AGMO: variants seen among roughly 807,000 people sequenced by gnomAD.
The protein encoded by AGMO is glyceryl-ether monooxygenase.
A neutral mutation model predicts 60.2 loss-of-function variants in AGMO; 75 were observed. That is an observed-to-expected ratio of 1.25 (90% CI 1.03 to 1.51). The LOEUF (loss-of-function observed/expected upper bound fraction) is 1.51. Ranked by LOEUF, AGMO falls within the 40% of genes most tolerant of loss-of-function variation. The pLI is 0.00. For missense variants in AGMO, 763 were observed against 525.5 expected, an observed-to-expected ratio of 1.45 and a Z score of -4.42; for synonymous variants, 261 against 177.1, an observed-to-expected ratio of 1.47 and a Z score of -3.76.
intron 12 of AGMO, among the ~76,000 whole-genome samples, chr7:15,242,723 A>G (rs1006783329): frequency 6.6e-6 from 1 of 152,162 alleles, no homozygotes; most frequent in African/African-American, 2.4e-5. Context: ...CACTTTCCCC[A>G]CTGCTGAGTA....
intron 12 of AGMO, among the ~76,000 whole-genome samples, chr7:15,289,770 G>A (rs1276979115): frequency 2.0e-5 from 3 of 151,868 alleles, no homozygotes; most frequent in Non-Finnish European, 4.4e-5. Context: ...TAACTGATCT[G>A]TTAAAACAGA....
At chr7:15,293,703 G>C (rs572511076) in intron 12 of AGMO, among the ~76,000 whole-genome samples, 2 of 152,040 alleles carry the variant, frequency 1.3e-5, no homozygotes, top group Non-Finnish European at 2.9e-5. Flanking sequence ...TGTAAACTAC[G>C]CCTAATTCTT....
chr7:15,332,422 A>T (rs547999766), intron 12 of AGMO, among the ~76,000 whole-genome samples: 1 of 152,180 alleles, frequency 6.6e-6, no homozygotes, highest in Non-Finnish European at 1.5e-5. Context: ...TGAAGCTAAA[A>T]GACACCATGT....
At chr7:15,156,789 C>A in the AGMO span, among the ~76,000 whole-genome samples, 3 of 152,134 alleles carry the variant, frequency 2.0e-5, no homozygotes, top group African/African-American at 4.8e-5. Context: ...TTGGAGTGCA[C>A]CAATCTATTT....
chr7:15,167,055 A>T, the AGMO span, among the ~76,000 whole-genome samples: 1 of 152,194 alleles, frequency 6.6e-6, no homozygotes, highest in Non-Finnish European at 1.5e-5. Flanking sequence ...CTAAACTGAC[A>T]TTCTAAATTT....
At chr7:15,195,812 T>C (rs148482559), downstream of AGMO, among the ~76,000 whole-genome samples, 49 of 152,324 alleles carry the variant, frequency 3.2e-4, no homozygotes, top group African/African-American at 1.2e-3. Flanking sequence ...GCCCAAATAA[T>C]GCCTTGTTAA....
intron 12 of AGMO, among the ~76,000 whole-genome samples, chr7:15,253,794 T>A (rs1783016211): frequency 6.6e-6 from 1 of 152,210 alleles, no homozygotes; most frequent in South Asian, 2.1e-4. Flanking sequence ...CCAGAACTTA[T>A]TCCTCCTATG....
intron 10 of AGMO, among the ~76,000 whole-genome samples, chr7:15,374,371 T>C (rs1460239678): frequency 6.6e-6 from 1 of 152,052 alleles, no homozygotes; most frequent in Non-Finnish European, 1.5e-5. Context: ...ATATATTGGC[T>C]AAAAAAGTAT....
chr7:15,514,022 T>A (rs1783745851), intron 3 of AGMO, among the ~76,000 whole-genome samples: 1 of 152,120 alleles, frequency 6.6e-6, no homozygotes, highest in South Asian at 2.1e-4. Context: ...TGGATCTCAA[T>A]CTCTCTCAAA....
At chr7:15,319,675 A>T (rs543267360) in intron 12 of AGMO, among the ~76,000 whole-genome samples, 19 of 152,218 alleles carry the variant, frequency 1.2e-4, no homozygotes, top group Middle Eastern at 6.8e-3. Flanking sequence ...TCCATTACAC[A>T]ATCAAAGATT....
At chr7:15,287,068 T>C (rs908183902) in intron 12 of AGMO, among the ~76,000 whole-genome samples, 5 of 152,004 alleles carry the variant, frequency 3.3e-5, no homozygotes, top group Non-Finnish European at 5.9e-5. Flanking sequence ...TTTGGAGACA[T>C]AGAAGCGGGA....
intron 5 of AGMO, among the ~76,000 whole-genome samples, chr7:15,394,676 G>T (rs1583502753): frequency 6.6e-6 from 1 of 152,090 alleles, no homozygotes; most frequent in Non-Finnish European, 1.5e-5. Flanking sequence ...ATAACTAGGA[G>T]AGTGAAAACA....
chr7:15,278,946 G>A (rs1783882218), intron 12 of AGMO, among the ~76,000 whole-genome samples: 1 of 152,180 alleles, frequency 6.6e-6, no homozygotes, highest in South Asian at 2.1e-4. Context: ...GAGTCGTGTG[G>A]TGTGTAGTCT....
At chr7:15,294,858 C>T (rs759777478) in intron 12 of AGMO, among the ~76,000 whole-genome samples, 1 of 151,676 alleles carries the variant, frequency 6.6e-6, no homozygotes, top group African/African-American at 2.4e-5. Flanking sequence ...ACATATGCAA[C>T]TGAAAAGTCA....
intron 12 of AGMO, among the ~76,000 whole-genome samples, chr7:15,329,462 G>A (rs1199731525): frequency 6.6e-6 from 1 of 152,156 alleles, no homozygotes; most frequent in South Asian, 2.1e-4. Flanking sequence ...GTCTATCCTT[G>A]TGTGGCCTTG....
At chr7:15,210,561 A>G (rs1781560176) in intron 12 of AGMO, among the ~76,000 whole-genome samples, 1 of 152,122 alleles carries the variant, frequency 6.6e-6, no homozygotes, top group Non-Finnish European at 1.5e-5. Flanking sequence ...ACATACTAGA[A>G]TAAGAATTTA....
At position 15,387,429 on chromosome 7, in the gene AGMO, C is replaced by G. The variant is rs201942688; in HGVS notation, c.934G>C (p.Gly312Arg). 7 of 1,613,370 alleles carry G rather than the reference C, an allele frequency of 4.3e-6. No homozygotes were observed. In the African/African-American group the frequency reaches 8.0e-5, roughly 18 times the overall value. Residue 312 changes from glycine (G) to arginine (R), a missense_variant, in exon 9 of 13, where the codon GGT becomes CGT. By Grantham distance (125) the Gly-to-Arg change is moderately radical. Transcript: ENST00000342526. ...PGWGPGKPRL[G>R]LSEEIPEVTG... ...ACCTCTGGAATTTCTTCACTGAGAC[C>G]AAGTCTTGGTTTACCTGGACCCCAT...
At chr7:15,124,243 G>A in the AGMO span, among the ~76,000 whole-genome samples, 2 of 151,774 alleles carry the variant, frequency 1.3e-5, no homozygotes, top group Non-Finnish European at 2.9e-5. Flanking sequence ...GTTTCATGAT[G>A]GCTGACTGGT....
intron 3 of AGMO, among the ~76,000 whole-genome samples, chr7:15,443,911 C>T (rs574480304): frequency 3.4e-4 from 52 of 152,238 alleles, no homozygotes; most frequent in African/African-American, 1.2e-3. Flanking sequence ...AAGTATTCTT[C>T]GTCTTTCAAG....
Sources: gnomAD v4.1 joint callset for allele counts (sites outside exome capture counted in the v4.1 genomes callset) on GRCh38, gnomAD v4.1.1 for gene constraint, MANE v1.5 for transcripts, NCBI Gene and HGNC (gene_info 2026-07-23, HGNC 2026-07-21) for gene names.